Variants in AATF observed in about 807,000 individuals in gnomAD.
AATF encodes protein AATF.
In AATF, 48 loss-of-function variants were observed where a neutral mutation model predicts 63.7. The observed-to-expected ratio is 0.75, with a 90% CI of 0.60 to 0.96. AATF has a LOEUF of 0.96. Ranked by LOEUF, AATF falls within the 40% of genes least tolerant of loss-of-function variation. The pLI is 0.00. For missense variants in AATF, 639 were observed against 685.7 expected, an observed-to-expected ratio of 0.93 and a Z score of 0.76; for synonymous variants, 258 against 247.7, an observed-to-expected ratio of 1.04 and a Z score of -0.39.
rs968701451 is a variant in AATF at position 36,949,018 on chromosome 17, G to C, written c.-108G>C. On this transcript the variant is annotated 5_prime_UTR_variant, in exon 1 of 12. Transcript: ENST00000619387. ...CCTCCGCGCGGTCTCTGGCGGAGTC[G>C]GGGAATCGGATCAAGGCGAGAGGAT... 9.3e-6 allele frequency: 10 copies of C among 1,078,656 alleles called. No homozygotes were observed. Among genetic ancestry groups the C allele is most frequent in the Non-Finnish European group, 1.2e-5 (9 of 747,200 alleles). The allele number at this position is 1,078,656 out of a possible 1,614,324, so 66.8% of individuals were successfully genotyped here. A position where few individuals can be genotyped will look rare whatever the true frequency, so the allele number is the denominator to read the frequency against.
chr17:36,954,893 G>A (rs2070887000), intron 4 of AATF, among the ~76,000 whole-genome samples: 1 of 152,154 alleles, frequency 6.6e-6, no homozygotes, highest in Non-Finnish European at 1.5e-5. Flanking sequence ...TAGGGTGAGT[G>A]TGCTGTGTTT....
At chr17:37,044,744 A>G (rs1331871398) in intron 11 of AATF, among the ~76,000 whole-genome samples, 1 of 152,198 alleles carries the variant, frequency 6.6e-6, no homozygotes, top group East Asian at 1.9e-4. Context: ...CCCGTTGAGC[A>G]TGCCTAATCT....
intron 11 of AATF, among the ~76,000 whole-genome samples, chr17:37,044,027 A>C (rs888626851): frequency 6.6e-6 from 1 of 152,142 alleles, no homozygotes; most frequent in Non-Finnish European, 1.5e-5. Flanking sequence ...TGCAAACCCC[A>C]AAAAAAGTTG....
chr17:36,999,751 A>T (rs546594756), intron 8 of AATF, among the ~76,000 whole-genome samples: 1 of 152,284 alleles, frequency 6.6e-6, no homozygotes, highest in African/African-American at 2.4e-5. Context: ...AAGATATTTG[A>T]GAAGAGACCT....
intron 11 of AATF, among the ~76,000 whole-genome samples, chr17:37,050,325 G>A (rs2071737302): frequency 6.6e-6 from 1 of 152,146 alleles, no homozygotes; most frequent in Non-Finnish European, 1.5e-5. Flanking sequence ...TCATGTCTTT[G>A]TGAACCTCCA....
chr17:37,006,895 T>C (rs773580972), intron 8 of AATF, among the ~76,000 whole-genome samples: 2 of 152,176 alleles, frequency 1.3e-5, no homozygotes, highest in Non-Finnish European at 2.9e-5. Context: ...CAACGCAGAA[T>C]CAAAAAGTGG....
intron 4 of AATF, among the ~76,000 whole-genome samples, chr17:36,985,790 C>G (rs1440288043): frequency 6.6e-6 from 1 of 151,994 alleles, no homozygotes; most frequent in Admixed American, 6.6e-5. Context: ...ACCTTGTGAT[C>G]CACCCGTCTC....
chr17:37,049,966 C>G (rs971846201), intron 11 of AATF, among the ~76,000 whole-genome samples: 12 of 152,132 alleles, frequency 7.9e-5, no homozygotes, highest in African/African-American at 2.7e-4. Context: ...TTCTGGAGAC[C>G]TTGCTTTTGG....
chr17:37,002,536 G>A (rs569663810), intron 8 of AATF, among the ~76,000 whole-genome samples: 1 of 151,792 alleles, frequency 6.6e-6, no homozygotes, highest in Admixed American at 6.6e-5. Context: ...ATTAGCCGTG[G>A]TGGTGGGCGC....
intron 11 of AATF, among the ~76,000 whole-genome samples, chr17:37,037,251 A>G (rs188049594): frequency 1.3e-5 from 2 of 152,032 alleles, no homozygotes; most frequent in Admixed American, 6.5e-5. Context: ...TCTTGACCTC[A>G]TGATCCACCT....
chr17:37,001,253 G>A (rs116243880), intron 8 of AATF, among the ~76,000 whole-genome samples: 2,415 of 151,884 alleles, frequency 0.016, 68 homozygotes, highest in African/African-American at 0.055. Flanking sequence ...TTGGGAGGTT[G>A]AGGCTGCAGT....
intron 4 of AATF, among the ~76,000 whole-genome samples, chr17:36,977,145 A>C (rs894790192): frequency 5.9e-5 from 9 of 152,212 alleles, no homozygotes; most frequent in African/African-American, 2.2e-4. Context: ...TAGTGTGATC[A>C]TATTCTGCCA....
intron 4 of AATF, among the ~76,000 whole-genome samples, chr17:36,979,239 G>A (rs137929653): frequency 5.7e-4 from 87 of 152,134 alleles, no homozygotes; most frequent in African/African-American, 2.0e-3. Context: ...GAAAAATGCC[G>A]GCCATACAGT....
At chr17:37,023,755 TA>T (rs1316230707) in intron 10 of AATF, among the ~76,000 whole-genome samples, 7 of 152,120 alleles carry the variant, frequency 4.6e-5, no homozygotes, top group African/African-American at 1.7e-4. Context: ...CATTAGGTGG[TA>T]GTTAAGACCC....
intron 11 of AATF, chr17:37,054,605 A>G (rs141071215): frequency 6.6e-6 from 1 of 152,268 alleles, no homozygotes; most frequent in Non-Finnish European, 1.5e-5. Context: ...GGGTTTCAGC[A>G]TTTCACTCTC....
chr17:36,953,391 T>G, intron 3 of AATF, 95 bp downstream of exon 3: 1 of 1,530,222 alleles, frequency 6.5e-7, no homozygotes, highest in Non-Finnish European at 8.8e-7. Flanking sequence ...CTATCTCCTG[T>G]GTCCTTTCAA....
intron 4 of AATF, among the ~76,000 whole-genome samples, chr17:36,963,287 T>C (rs1417268764): frequency 1.3e-5 from 2 of 152,228 alleles, no homozygotes; most frequent in Admixed American, 6.5e-5. Flanking sequence ...TGAGCATCGA[T>C]CAACAGAATA....
intron 8 of AATF, 33 bp downstream of exon 8, chr17:36,990,890 TG>T: frequency 6.9e-7 from 1 of 1,456,134 alleles, no homozygotes; most frequent in Middle Eastern, 1.7e-4. Context: ...TTACAAATCA[TG>T]TTTTAGCATT....
At chr17:37,029,891 C>T (rs187803281) in intron 10 of AATF, among the ~76,000 whole-genome samples, 224 of 151,478 alleles carry the variant, frequency 1.5e-3, no homozygotes, top group Non-Finnish European at 2.6e-3. Context: ...TTTGTAGAGA[C>T]GGGGTCTTGC....
Sources: gnomAD v4.1 joint callset for allele counts (sites outside exome capture counted in the v4.1 genomes callset) on GRCh38, gnomAD v4.1.1 for gene constraint, MANE v1.5 for transcripts, NCBI Gene and HGNC (gene_info 2026-07-23, HGNC 2026-07-21) for gene names.